The following RIMS2 variants were observed in gnomAD, a reference collection of about 807,000 sequenced individuals.
RIMS2 encodes the protein regulating synaptic membrane exocytosis 2, also known as regulating synaptic membrane exocytosis protein 2.
In RIMS2, 59 loss-of-function variants were observed where a neutral mutation model predicts 174.4. The observed-to-expected ratio is 0.34, with a 90% confidence interval of 0.27 to 0.42. The LOEUF is 0.42. RIMS2 is among the 10% of genes least tolerant of loss of function. RIMS2 has a pLI of 1.00. For missense variants in RIMS2, 1,620 were observed against 1,666.3 expected (o/e 0.97, Z 0.48); for synonymous variants, 606 against 572.5 (o/e 1.06, Z -0.84).
chr8:103,533,461 G>A (rs1838206343), intron 1 of RIMS2, among the ~76,000 whole-genome samples: 2 of 152,028 alleles, frequency 1.3e-5, no homozygotes, highest in Admixed American at 1.3e-4. Context: ...GGAACAATTA[G>A]TGGCAAGAAC....
At chr8:103,554,131 A>T (rs1026310501) in intron 1 of RIMS2, among the ~76,000 whole-genome samples, 2 of 152,180 alleles carry the variant, frequency 1.3e-5, no homozygotes, top group African/African-American at 4.8e-5. Context: ...TTCTGGACAT[A>T]GGCCCTGGTG....
chr8:103,746,202 A>G (rs1214201770), intron 2 of RIMS2, among the ~76,000 whole-genome samples: 1 of 152,208 alleles, frequency 6.6e-6, no homozygotes, highest in Non-Finnish European at 1.5e-5. Context: ...TATTGAAAAG[A>G]CTATTCCAAT....
Position 103,910,129 on chromosome 8 carries a change from C to T in RIMS2, c.1625-5C>T. On this transcript the variant is annotated splice_polypyrimidine_tract_variant and splice_region_variant and intron_variant, in intron 4 of 23. Coordinates refer to ENST00000504942, the Ensembl canonical transcript of RIMS2. ...TTACTGCACTCTTTTGTCTGACTCT[C>T]ACAGGAGACATGGATTACAACTGGT... The T allele has an allele frequency of 3.1e-6, 5 of 1,597,208 alleles. No individual in the cohort carries two copies. In the South Asian group the frequency reaches 5.6e-5, roughly 18 times the overall value.
At chr8:103,890,255 T>G (rs1405115503) in intron 4 of RIMS2, among the ~76,000 whole-genome samples, 1 of 151,980 alleles carries the variant, frequency 6.6e-6, no homozygotes, top group Non-Finnish European at 1.5e-5. Flanking sequence ...GAAGCTTGTT[T>G]TCAGGGTGGA....
rs374572136 is a variant in RIMS2, at chr8:103,887,036, A to G, written c.1624+813A>G. Among the ~76,000 whole-genome samples, 505 of 151,958 alleles carry G rather than the reference A, an allele frequency of 3.3e-3. 3 individuals are homozygous for G. Among genetic ancestry groups the G allele is most frequent in the African/African-American group, 0.012 (478 of 41,544 alleles). ...AATTCAGATTACCAAATTGCTTTCC[A>G]AAAAGGTTGTAACATGCTTTACTCT... is the stretch of plus-strand genomic sequence containing the variant. On this transcript the variant is annotated intron_variant, in intron 4 of 23. Transcript: ENST00000504942.
intron 3 of RIMS2, among the ~76,000 whole-genome samples, chr8:103,843,230 G>T (rs77830606): frequency 0.16 from 23,927 of 152,044 alleles, 1,988 homozygotes; most frequent in Middle Eastern, 0.24. Context: ...TCTGTTTCTT[G>T]GCCTGCTTTC....
chr8:103,951,831 C>A (rs956978843), intron 14 of RIMS2, among the ~76,000 whole-genome samples: 1 of 152,204 alleles, frequency 6.6e-6, no homozygotes, highest in African/African-American at 2.4e-5. Context: ...TCAATGGAGC[C>A]CAGCAAGCTA....
chr8:104,201,927 T>C, intron 19 of RIMS2, among the ~76,000 whole-genome samples: 1 of 152,208 alleles, frequency 6.6e-6, no homozygotes. Flanking sequence ...TTTTAAAATA[T>C]TTTCTGTAGA....
At chr8:103,708,101 G>C (rs1037392342) in intron 2 of RIMS2, among the ~76,000 whole-genome samples, 1 of 152,226 alleles carries the variant, frequency 6.6e-6, no homozygotes, top group African/African-American at 2.4e-5. Flanking sequence ...TTCATGCTGG[G>C]TTGCACTTGG....
At chr8:103,538,618 G>A (rs535388031) in intron 1 of RIMS2, among the ~76,000 whole-genome samples, 22 of 152,166 alleles carry the variant, frequency 1.4e-4, no homozygotes, top group East Asian at 7.7e-4. Context: ...CTGGGTTCAC[G>A]CCATTCTCCT....
At chr8:103,679,195 C>T (rs535846939) in intron 1 of RIMS2, among the ~76,000 whole-genome samples, 2 of 152,068 alleles carry the variant, frequency 1.3e-5, no homozygotes, top group East Asian at 1.9e-4. Flanking sequence ...CCCCTTCCCC[C>T]GAAACCAACC....
At chr8:104,250,596 A>T (rs2099355910) in intron 22 of RIMS2, among the ~76,000 whole-genome samples, 1 of 112,608 alleles carries the variant, frequency 8.9e-6, no homozygotes, top group African/African-American at 4.0e-5. Context: ...CACTACTGTT[A>T]TACCCACACC....
chr8:103,996,331 C>T (rs58715550), intron 17 of RIMS2, among the ~76,000 whole-genome samples: 3 of 151,652 alleles, frequency 2.0e-5, no homozygotes, highest in Non-Finnish European at 4.4e-5. Flanking sequence ...ACTGCTTGAA[C>T]CTCCTCGTAA....
chr8:103,698,172 A>T (rs2097128847), intron 2 of RIMS2, among the ~76,000 whole-genome samples: 1 of 151,888 alleles, frequency 6.6e-6, no homozygotes, highest in Admixed American at 6.6e-5. Flanking sequence ...ATTTTTCATT[A>T]TTTTGTTTTG....
At chr8:103,831,724 G>T (rs2154479777) in intron 3 of RIMS2, among the ~76,000 whole-genome samples, 1 of 152,252 alleles carries the variant, frequency 6.6e-6, no homozygotes, top group Middle Eastern at 3.4e-3. Flanking sequence ...CCTGCAAGGT[G>T]GTATTACAAG....
chr8:103,816,368 G>A (rs752284630), intron 3 of RIMS2, among the ~76,000 whole-genome samples: 2 of 152,120 alleles, frequency 1.3e-5, no homozygotes, highest in African/African-American at 4.8e-5. Flanking sequence ...ATAACATGTA[G>A]GCATCCATTT....
At chr8:103,580,931 G>A (rs575382855) in intron 1 of RIMS2, among the ~76,000 whole-genome samples, 82 of 145,950 alleles carry the variant, frequency 5.6e-4, no homozygotes, top group African/African-American at 2.0e-3. Context: ...CTGGGTTCAC[G>A]CCATTCTCCT....
intron 3 of RIMS2, among the ~76,000 whole-genome samples, chr8:103,851,531 T>A (rs532557258): frequency 1.3e-5 from 2 of 151,992 alleles, no homozygotes; most frequent in African/African-American, 4.8e-5. Context: ...GTATATTTTC[T>A]TCCTTGTCTT....
intron 19 of RIMS2, among the ~76,000 whole-genome samples, chr8:104,025,557 A>G (rs1459601178): frequency 6.6e-6 from 1 of 152,132 alleles, no homozygotes; most frequent in African/African-American, 2.4e-5. Context: ...TTGCATAATA[A>G]TTACTATATA....
Sources: gnomAD v4.1 joint callset for allele counts (sites outside exome capture counted in the v4.1 genomes callset) on GRCh38, gnomAD v4.1.1 for gene constraint, MANE v1.5 for transcripts, NCBI Gene and HGNC (gene_info 2026-07-23, HGNC 2026-07-21) for gene names.